Variants in KIF4A observed in about 807,000 individuals in gnomAD.
The protein encoded by KIF4A is chromosome-associated kinesin KIF4A.
KIF4A carries 7 observed loss-of-function variants against 105.9 expected under a neutral mutation model. The observed-to-expected ratio is 0.07, with a 90% CI of 0.04 to 0.12. The LOEUF is 0.12. Ranked by LOEUF, KIF4A falls within the 10% of genes least tolerant of loss-of-function variation. The pLI is 1.00. For missense variants in KIF4A, 558 were observed against 929.2 expected (o/e 0.60, Z 5.19); for synonymous variants, 281 against 331.3 (o/e 0.85, Z 1.65).
At position 70,397,108 on chromosome X, in the gene KIF4A, C is replaced by A. The variant is rs755598455; in HGVS notation, c.2489+1059C>A. 3.6e-5 allele frequency among the ~76,000 whole-genome samples: 4 copies of A among 110,580 alleles called. No homozygotes were observed. The East Asian group carries it at 1.1e-3, about 32-fold the overall frequency. ...AAAAATGGCCAGGCACGGTAGCTCT[C>A]GCCTGTAATCCCAGCACTTTGGGAG... On this transcript the variant is annotated intron_variant, in intron 22 of 30. Coordinates refer to ENST00000374403, the MANE Select transcript of KIF4A (RefSeq NM_012310.5).
intron 15 of KIF4A, among the ~76,000 whole-genome samples, chrX:70,364,589 C>CA (rs2086092480): frequency 4.6e-5 from 5 of 108,057 alleles, no homozygotes; most frequent in South Asian, 4.3e-4. Context: ...TGTTCTGTTC[C>CA]ATTGATCTAT....
chrX:70,352,710 T>A, intron 14 of KIF4A, 54 bp downstream of exon 14: 2 of 821,296 alleles, frequency 2.4e-6, no homozygotes, highest in Non-Finnish European at 3.6e-6. Context: ...CCGTTTCCTA[T>A]AATTTATCAC....
rs1221154738 is a variant in KIF4A at position 70,404,820 on chromosome X, C to G, written c.2896C>G (p.Gln966Glu). 1 of 1,155,105 alleles carries G rather than the reference C, an allele frequency of 8.7e-7. No individual in the cohort carries two copies. The highest frequency in any genetic ancestry group is 1.2e-6 in the Non-Finnish European group (1 of 848,712). Residue 966 changes from glutamine (Q) to glutamate (E), a missense_variant and splice_region_variant, in exon 25 of 31, where the codon CAG (glutamine) becomes GAG (glutamate). Around this residue, in one of 2 missense-constraint regions of KIF4A, gnomAD observed 469 missense variants for 680.4 expected, o/e 0.69. Coordinates refer to ENST00000374403, the MANE Select transcript of KIF4A (RefSeq NM_012310.5). ...EQQLLSTLKC[Q>E]DEELEKMREV... Reference sequence around the variant, plus strand: ...GCAGCTGCTGAGCACACTGAAGTGTCAGGTATGATCACGAGAGGTCTCCAG... The same window carrying G: ...GCAGCTGCTGAGCACACTGAAGTGTGAGGTATGATCACGAGAGGTCTCCAG...
intron 28 of KIF4A, among the ~76,000 whole-genome samples, chrX:70,408,277 C>T (rs2086308375): frequency 1.8e-5 from 2 of 111,165 alleles, no homozygotes; most frequent in African/African-American, 6.5e-5. Flanking sequence ...TGAGTGGGTA[C>T]TTTATCTTTG....
rs1321504776 is a variant in KIF4A, at chrX:70,375,303, G to A, written c.1878G>A (p.Lys626=). The change falls in exon 17 of 31, where the codon AAG becomes AAA. Residue 626 remains lysine (K), a synonymous_variant. Transcript: ENST00000374403. ...AGCAGTCCAAACTTCTGAAACTAAA[G>A]GAATCCACAGAGCGTACTGTCTCCA... ...LNEQSKLLKL[K]ESTERTVSKL... 1 of 1,209,320 alleles carries A rather than the reference G, an allele frequency of 8.3e-7. No homozygotes were observed. Among genetic ancestry groups the A allele is most frequent in the Non-Finnish European group, 1.1e-6 (1 of 894,747 alleles).
chrX:70,371,705 AC>A (rs1179244071), intron 15 of KIF4A, among the ~76,000 whole-genome samples: 8 of 93,157 alleles, frequency 8.6e-5, no homozygotes, highest in African/African-American at 2.9e-4. Flanking sequence ...GCGGGGCCTG[AC>A]CCCCCCACCT....
chrX:70,331,013 G>T (rs562058782), intron 9 of KIF4A, among the ~76,000 whole-genome samples: 9 of 111,507 alleles, frequency 8.1e-5, no homozygotes, highest in African/African-American at 2.9e-4. Context: ...ATATACATAG[G>T]AACAGCTGTA....
At chrX:70,380,223 G>C (rs1328237453) in intron 18 of KIF4A, among the ~76,000 whole-genome samples, 3 of 111,080 alleles carry the variant, frequency 2.7e-5, no homozygotes, top group Non-Finnish European at 3.8e-5. Context: ...CACGAGAATT[G>C]CTTGAACCCA....
chrX:70,353,891 T>C, intron 15 of KIF4A, 84 bp downstream of exon 15: 2 of 831,262 alleles, frequency 2.4e-6, no homozygotes, highest in Non-Finnish European at 3.3e-6. Context: ...ATATAATTTT[T>C]GATGATGAAA....
chrX:70,370,225 A>G (rs1330889344), intron 15 of KIF4A, among the ~76,000 whole-genome samples: 2 of 110,725 alleles, frequency 1.8e-5, no homozygotes, highest in Non-Finnish European at 3.8e-5. Context: ...TAAGTGACAT[A>G]TGACTGTAAA....
Position 70,297,085 on chromosome X carries a change from A to G in KIF4A, c.323A>G (p.Asn108Ser). 1 of 1,211,586 alleles carries G rather than the reference A, an allele frequency of 8.3e-7. No homozygotes were observed. Among genetic ancestry groups the G allele is most frequent in the Non-Finnish European group, 1.1e-6 (1 of 894,993 alleles). The change falls in exon 4 of 31, where the codon AAT becomes AGT. Residue 108 changes from asparagine (N) to serine (S), a missense_variant. By Grantham distance (46) the Asn-to-Ser change is conservative. Coordinates refer to ENST00000374403, the MANE Select transcript of KIF4A (RefSeq NM_012310.5). ...MGGAYTAEQE[N>S]EPTVGVIPRV... ...GGTGCATATACTGCAGAGCAAGAGA[A>G]TGAACCAACAGTTGGGGTTATTCCT...
At chrX:70,341,972 A>G in intron 11 of KIF4A, 41 bp downstream of exon 11, 2 of 1,174,263 alleles carry the variant, frequency 1.7e-6, no homozygotes, top group Non-Finnish European at 2.3e-6. Flanking sequence ...CTGAACATTT[A>G]CTAGCTTTAG....
chrX:70,378,881 C>T (rs374624667), intron 18 of KIF4A, among the ~76,000 whole-genome samples: 35 of 110,032 alleles, frequency 3.2e-4, no homozygotes, highest in East Asian at 1.7e-3. Flanking sequence ...AGGCCAGGCG[C>T]GGTGGCTCAC....
At chrX:70,349,315 T>TGAC (rs2086011762) in intron 13 of KIF4A, among the ~76,000 whole-genome samples, 1 of 67,245 alleles carries the variant, frequency 1.5e-5, no homozygotes. Context: ...CCAGACAGGG[T>TGAC]GGCCGGGCAG....
chrX:70,331,986 C>T, intron 9 of KIF4A, among the ~76,000 whole-genome samples: 1 of 111,884 alleles, frequency 8.9e-6, no homozygotes, highest in Non-Finnish European at 1.9e-5. Context: ...AGGAATGACA[C>T]CCAGATTTCT....
intron 1 of KIF4A, 112 bp downstream of exon 1, chrX:70,290,262 C>T: frequency 2.2e-6 from 1 of 458,421 alleles, no homozygotes; most frequent in Non-Finnish European, 3.5e-6. Context: ...TTCAGAAGCC[C>T]GTGCACTCTC....
In KIF4A at chrX:70,364,067, G is replaced by C. The variant is rs182124183; in HGVS notation, c.1675-10084G>C. On this transcript the variant is annotated intron_variant, in intron 15 of 30. Coordinates refer to ENST00000374403, the MANE Select transcript of KIF4A (RefSeq NM_012310.5). Reference sequence around the variant, plus strand: ...TGAGAAATGTCTGTTCATATCCTTTGACCACTTGTTGATGGGGTTGTTTGT... The same window carrying C: ...TGAGAAATGTCTGTTCATATCCTTTCACCACTTGTTGATGGGGTTGTTTGT... Among the ~76,000 whole-genome samples the C allele has an allele frequency of 7.4e-3, 835 of 112,153 alleles. 4 individuals carry two copies. Among genetic ancestry groups the C allele is most frequent in the Non-Finnish European group, 0.012 (663 of 53,219 alleles).
intron 7 of KIF4A, among the ~76,000 whole-genome samples, chrX:70,303,937 TTTATTA>T (rs552101158): frequency 9.6e-6 from 1 of 104,146 alleles, no homozygotes; most frequent in African/African-American, 3.5e-5. Context: ...TTTATTTTAT[TTTATTA>T]TTATTATTAT....
intron 20 of KIF4A, among the ~76,000 whole-genome samples, chrX:70,389,075 T>C (rs1037944607): frequency 2.3e-4 from 25 of 109,230 alleles, no homozygotes; most frequent in African/African-American, 8.0e-4. Context: ...CAAAGTAAGA[T>C]CCTGTCTCTA....
Sources: allele counts gnomAD v4.1 joint callset (sites outside exome capture counted in the v4.1 genomes callset), GRCh38; gene constraint gnomAD v4.1.1; regional missense constraint gnomAD v4.1.1; transcripts MANE v1.5; gene names NCBI Gene and HGNC (gene_info 2026-07-23, HGNC 2026-07-21).